Variants in DPP6 observed in about 807,000 individuals in gnomAD.
DPP6 encodes A-type potassium channel modulatory protein DPP6.
Under a neutral mutation model 122.6 loss-of-function variants are expected in DPP6, and 69 were observed. The ratio of observed to expected loss-of-function variants is 0.56; its 90% CI spans 0.46 to 0.69. The LOEUF is 0.69. DPP6 is among the 30% of genes least tolerant of loss of function. The pLI is 0.00. For missense variants in DPP6, 928 were observed against 1,116.9 expected, an observed-to-expected ratio of 0.83 and a Z score of 2.41; for synonymous variants, 418 against 433.1, an observed-to-expected ratio of 0.97 and a Z score of 0.43.
Position 154,821,653 on chromosome 7 carries a change from T to TACACAC in DPP6, c.1666+14542_1666+14543insCACACA, listed in dbSNP as rs756517831. ...GTATATATATATATATATACACATA[T>TACACAC]ATATATATATACACATATATATATA... is the stretch of plus-strand genomic sequence containing the variant. On this transcript the variant is annotated intron_variant, in intron 16 of 25. Coordinates refer to ENST00000377770, the MANE Select transcript of DPP6 (RefSeq NM_130797.4). The surrounding 1 kb of genome is among the most constrained non-coding windows in gnomAD (Gnocchi z 4.2). Among the ~76,000 whole-genome samples the TACACAC allele has an allele frequency of 1.5e-3, 159 of 107,076 alleles. 3 individuals are homozygous for TACACAC. The highest frequency in any genetic ancestry group is 5.1e-3 in the African/African-American group (152 of 29,636). 70.2% of individuals were successfully genotyped at this position (107,076 alleles called of 152,430 possible). A position where few individuals can be genotyped will look rare whatever the true frequency, so the allele number is the denominator to read the frequency against.
At chr7:154,302,042 C>A (rs964172853) in intron 1 of DPP6, among the ~76,000 whole-genome samples, 1 of 152,144 alleles carries the variant, frequency 6.6e-6, no homozygotes, top group Non-Finnish European at 1.5e-5. Context: ...TGGTCTCGAT[C>A]TCCTGACCTC....
intron 16 of DPP6, among the ~76,000 whole-genome samples, chr7:154,852,964 A>T (rs2150577243): frequency 6.6e-6 from 1 of 152,346 alleles, no homozygotes; most frequent in Non-Finnish European, 1.5e-5. Context: ...CTCAGTGGGA[A>T]CAAGCCTGAC....
At chr7:154,632,759 A>C (rs972866136) in intron 5 of DPP6, among the ~76,000 whole-genome samples, 1 of 151,734 alleles carries the variant, frequency 6.6e-6, no homozygotes, top group Non-Finnish European at 1.5e-5. Context: ...CAAAGAAAAA[A>C]CTCAGTGTCC....
intron 5 of DPP6, among the ~76,000 whole-genome samples, chr7:154,575,542 GTGTGTGGTGTGTTTATTTGTGTGTGGTA>G (rs1831586334): frequency 7.3e-6 from 1 of 136,246 alleles, no homozygotes; most frequent in Non-Finnish European, 1.5e-5. Flanking sequence ...TGTATGTGGT[GTGTGTGGTGTGTTTATTTGTGTGTGGTA>G]TATGTGTATG....
At chr7:154,662,098 A>G (rs1304901582) in intron 6 of DPP6, among the ~76,000 whole-genome samples, 1 of 150,900 alleles carries the variant, frequency 6.6e-6, no homozygotes, top group Non-Finnish European at 1.5e-5. Context: ...AGTCATGGTG[A>G]ATCACCATGG....
chr7:154,463,235 T>TCTTG (rs1413175190), intron 2 of DPP6, among the ~76,000 whole-genome samples: 1 of 126,162 alleles, frequency 7.9e-6, no homozygotes, highest in African/African-American at 3.0e-5. Flanking sequence ...TGAGACGGAG[T>TCTTG]CTCGCTCTGT....
intron 1 of DPP6, among the ~76,000 whole-genome samples, chr7:154,280,252 A>G (rs1804415964): frequency 6.6e-6 from 1 of 152,180 alleles, no homozygotes; most frequent in Non-Finnish European, 1.5e-5. Context: ...TGCAAACGTC[A>G]CTTGTAAATC....
chr7:154,335,004 T>C (rs1050143577), intron 1 of DPP6, among the ~76,000 whole-genome samples: 1 of 152,224 alleles, frequency 6.6e-6, no homozygotes, highest in Non-Finnish European at 1.5e-5. Context: ...TTACTTCAGG[T>C]TTCATAAGCC....
At chr7:154,598,681 A>G (rs1833246491) in intron 5 of DPP6, among the ~76,000 whole-genome samples, 1 of 152,262 alleles carries the variant, frequency 6.6e-6, no homozygotes, top group Admixed American at 6.5e-5. Context: ...AACAGACAAT[A>G]TGCAGTGCCT....
Position 154,226,318 on chromosome 7 carries a change from A to C in DPP6, c.243+173255A>C, listed in dbSNP as rs183013119. Among the ~76,000 whole-genome samples, 195 of 113,780 alleles carry C rather than the reference A, an allele frequency of 1.7e-3. 6 individuals are homozygous for C. In the South Asian group the frequency reaches 0.033, roughly 19 times the overall value. The allele number at this position is 113,780 out of a possible 152,430, so 74.6% of individuals were successfully genotyped here. Reference sequence around the variant, plus strand: ...GTTCGATCTGGACAATTTTTGTCTTATGCCAGATGTGAGTTGATGAATGTC... The same window carrying C: ...GTTCGATCTGGACAATTTTTGTCTTCTGCCAGATGTGAGTTGATGAATGTC... On this transcript the variant is annotated intron_variant, in intron 1 of 25. Coordinates refer to ENST00000377770, the MANE Select transcript of DPP6 (RefSeq NM_130797.4).
intron 1 of DPP6, among the ~76,000 whole-genome samples, chr7:153,987,682 C>T (rs918439941): frequency 3.9e-5 from 6 of 152,014 alleles, no homozygotes; most frequent in Non-Finnish European, 7.4e-5. Flanking sequence ...CAGTCACCAT[C>T]GGAGGACCCA....
At chr7:154,212,565 C>G (rs961608006) in intron 1 of DPP6, among the ~76,000 whole-genome samples, 1 of 152,180 alleles carries the variant, frequency 6.6e-6, no homozygotes, top group African/African-American at 2.4e-5. Context: ...TGCCGTAGCA[C>G]TCAGGGCCTG....
At chr7:154,060,300 C>T (rs1343826217) in intron 1 of DPP6, among the ~76,000 whole-genome samples, 13 of 138,936 alleles carry the variant, frequency 9.4e-5, no homozygotes, top group African/African-American at 2.9e-4. Flanking sequence ...CCCTCTTCCC[C>T]CCCTGGCTCT....
chr7:154,538,040 G>A (rs929705981), intron 3 of DPP6, among the ~76,000 whole-genome samples: 4 of 150,248 alleles, frequency 2.7e-5, no homozygotes, highest in Non-Finnish European at 1.5e-5. Flanking sequence ...AAGGTCAAAT[G>A]CAAAAAAAAA....
the DPP6 span, among the ~76,000 whole-genome samples, chr7:153,875,584 ATATAT>A: frequency 1.9e-4 from 29 of 152,218 alleles, no homozygotes; most frequent in African/African-American, 6.0e-4. Context: ...AGAATTGTAG[ATATAT>A]TAATTAATGC....
chr7:153,929,683 A>G (rs973864599), intron 1 of DPP6, among the ~76,000 whole-genome samples: 22 of 152,150 alleles, frequency 1.4e-4, no homozygotes, highest in African/African-American at 4.6e-4. Context: ...GTGGGTGGGA[A>G]TGAGTGCCGT....
chr7:154,236,049 C>G (rs1210890277), intron 1 of DPP6, among the ~76,000 whole-genome samples: 6 of 152,086 alleles, frequency 3.9e-5, no homozygotes, highest in African/African-American at 1.4e-4. Flanking sequence ...GATGGGGTTT[C>G]ACCATGTTGG....
At chr7:154,349,536 A>C (rs2151076499) in intron 1 of DPP6, among the ~76,000 whole-genome samples, 1 of 152,296 alleles carries the variant, frequency 6.6e-6, no homozygotes, top group Admixed American at 6.5e-5. Context: ...CACATACTTG[A>C]CCCAAGGACA....
intron 7 of DPP6, among the ~76,000 whole-genome samples, chr7:154,677,660 C>T (rs937066257): frequency 2.6e-5 from 4 of 152,284 alleles, no homozygotes; most frequent in African/African-American, 9.6e-5. Flanking sequence ...CGGGGAGGAG[C>T]GCGTGGGGAG....
Sources: allele counts gnomAD v4.1 joint callset (sites outside exome capture counted in the v4.1 genomes callset), GRCh38; gene constraint gnomAD v4.1.1; non-coding constraint Gnocchi (gnomAD v3.1); transcripts MANE v1.5; gene names NCBI Gene and HGNC (gene_info 2026-07-23, HGNC 2026-07-21).